PCDHGA3: variants seen among roughly 807,000 people sequenced by gnomAD.
PCDHGA3 encodes the protein protocadherin gamma subfamily A, 3.
In PCDHGA3, 40 loss-of-function variants were observed where a neutral mutation model predicts 58.5. That is an observed-to-expected ratio of 0.68 (90% confidence interval 0.53 to 0.89). The LOEUF (loss-of-function observed/expected upper bound fraction) is 0.89, where lower values mean the gene tolerates loss of function less well. Ranked by LOEUF, PCDHGA3 falls within the 40% of genes least tolerant of loss-of-function variation. PCDHGA3 has a pLI of 0.00. For missense variants in PCDHGA3, 1,223 were observed against 1,195.9 expected, an observed-to-expected ratio of 1.02 and a Z score of -0.33; for synonymous variants, 530 against 525.7, an observed-to-expected ratio of 1.01 and a Z score of -0.11.
chr5:141,474,961 A>G (rs1395755491), intron 1 of PCDHGA3, among the ~76,000 whole-genome samples: 1 of 152,254 alleles, frequency 6.6e-6, no homozygotes, highest in South Asian at 2.1e-4. Flanking sequence ...TCACTATCCT[A>G]ATCATTATAA....
intron 1 of PCDHGA3, chr5:141,365,016 G>T: frequency 5.0e-6 from 8 of 1,613,880 alleles, no homozygotes; most frequent in Non-Finnish European, 6.8e-6. Context: ...ACGCACATCC[G>T]TGTTACGGTC....
In PCDHGA3 at chr5:141,485,735, G is replaced by A; in HGVS notation, c.2425-9072G>A. 6.2e-7 allele frequency: 1 copy of A among 1,614,166 alleles called. No homozygotes were observed. The highest frequency in any genetic ancestry group is 8.5e-7 in the Non-Finnish European group (1 of 1,180,036). On this transcript the variant is annotated intron_variant, in intron 1 of 3. Coordinates refer to ENST00000253812, the MANE Select transcript of PCDHGA3 (RefSeq NM_018916.4). The surrounding 1 kb of genome is among the most constrained non-coding windows in gnomAD (Gnocchi z 5.7). Reference sequence around the variant, plus strand: ...ACTGGATGTGAAGAAGCGCAGCGACGGCAGCCTGGTCCCAGAGCTGCTCCT... The same window carrying A: ...ACTGGATGTGAAGAAGCGCAGCGACAGCAGCCTGGTCCCAGAGCTGCTCCT...
intron 2 of PCDHGA3, among the ~76,000 whole-genome samples, chr5:141,497,540 C>A (rs866982821): frequency 7.4e-6 from 1 of 134,944 alleles, no homozygotes; most frequent in African/African-American, 2.8e-5. Context: ...TGCAACAAAC[C>A]TTTTTTTTTT....
Position 141,345,610 on chromosome 5 carries a change from G to C in PCDHGA3, c.1577G>C (p.Arg526Thr), listed in dbSNP as rs555894618. ...ALRSFDYEQF[R>T]DLKLLVTASD... Reference sequence around the variant, plus strand: ...AGATCCTTCGACTACGAGCAATTTAGAGACTTAAAGCTACTGGTGACAGCC... The same window carrying C: ...AGATCCTTCGACTACGAGCAATTTACAGACTTAAAGCTACTGGTGACAGCC... The change falls in exon 1 of 4, where the codon AGA (arginine) becomes ACA (threonine). Residue 526 changes from arginine to threonine, a missense_variant. Physicochemically the swap from Arg to Thr is moderately conservative, Grantham distance 71. Transcript: ENST00000253812. The C allele has an allele frequency of 1.2e-6, 2 of 1,614,194 alleles. No individual in the cohort carries two copies. Among genetic ancestry groups the C allele is most frequent in the African/African-American group, 1.3e-5 (1 of 75,038 alleles).
intron 1 of PCDHGA3, chr5:141,389,156 T>C (rs2091626888): frequency 6.2e-7 from 1 of 1,613,950 alleles, no homozygotes; most frequent in Non-Finnish European, 8.5e-7. Flanking sequence ...CGGCAACAGA[T>C]CGGGGCAAGC....
intron 1 of PCDHGA3, chr5:141,393,169 T>A: frequency 6.2e-7 from 1 of 1,613,090 alleles, no homozygotes; most frequent in African/African-American, 1.3e-5. Context: ...CTCTTTGGGG[T>A]AGAAATAGAA....
chr5:141,460,741 A>C (rs1378900827), intron 1 of PCDHGA3, among the ~76,000 whole-genome samples: 1 of 152,128 alleles, frequency 6.6e-6, no homozygotes, highest in African/African-American at 2.4e-5. Flanking sequence ...CACATTGTAT[A>C]TATATGTGTA....
At chr5:141,409,201 A>G (rs2095240333) in intron 1 of PCDHGA3, 1 of 1,614,044 alleles carries the variant, frequency 6.2e-7, no homozygotes, top group Non-Finnish European at 8.5e-7. Flanking sequence ...AGTGTAAAGT[A>G]ATCATAGAAA....
chr5:141,353,101 A>G (rs896793984), intron 1 of PCDHGA3, among the ~76,000 whole-genome samples: 8 of 152,084 alleles, frequency 5.3e-5, no homozygotes, highest in African/African-American at 1.9e-4. Flanking sequence ...GGGGTACTAG[A>G]TAGATGGAGA....
At chr5:141,350,738 G>A (rs948532839) in intron 1 of PCDHGA3, 1 of 1,613,930 alleles carries the variant, frequency 6.2e-7, no homozygotes, top group Non-Finnish European at 8.5e-7. Flanking sequence ...TGCAGATGTG[G>A]AAGGCAATTC....
At chr5:141,478,586 T>C (rs754157570) in intron 1 of PCDHGA3, 6 of 1,576,788 alleles carry the variant, frequency 3.8e-6, no homozygotes, top group Non-Finnish European at 3.4e-6. Context: ...GTTAGTGCTT[T>C]TTTATTCCTA....
intron 2 of PCDHGA3, among the ~76,000 whole-genome samples, chr5:141,498,009 C>T (rs1160103624): frequency 6.6e-6 from 1 of 152,146 alleles, no homozygotes; most frequent in African/African-American, 2.4e-5. Context: ...TTACAGTGCA[C>T]TGAAGGAGAC....
chr5:141,367,493 C>G (rs1262243719), intron 1 of PCDHGA3: 1 of 151,842 alleles, frequency 6.6e-6, no homozygotes, highest in Non-Finnish European at 1.5e-5. Context: ...GCCGAGATCG[C>G]GCCACTGCAC....
chr5:141,452,358 T>C (rs2098739424), intron 1 of PCDHGA3, among the ~76,000 whole-genome samples: 1 of 152,236 alleles, frequency 6.6e-6, no homozygotes, highest in African/African-American at 2.4e-5. Context: ...CCAAAAGCCT[T>C]GCTTCATTTT....
At chr5:141,423,119 G>T (rs769320490) in intron 1 of PCDHGA3, 2 of 1,613,774 alleles carry the variant, frequency 1.2e-6, no homozygotes, top group Non-Finnish European at 1.7e-6. Context: ...CGTACAGCGC[G>T]GGCACTGCTG....
At position 141,354,490 on chromosome 5, in the gene PCDHGA3, C is replaced by T. The variant is rs990013308; in HGVS notation, c.2424+8033C>T. On this transcript the variant is annotated intron_variant, in intron 1 of 3. Coordinates refer to ENST00000253812, the MANE Select transcript of PCDHGA3 (RefSeq NM_018916.4). Reference sequence around the variant, plus strand: ...GTACAGGGTAAGGCTAACTCTTGAACAGTAGGTGAGTTTTTTGCAAGGGAA... The same window carrying T: ...GTACAGGGTAAGGCTAACTCTTGAATAGTAGGTGAGTTTTTTGCAAGGGAA... Among the ~76,000 whole-genome samples, 11 of 152,206 alleles carry T rather than the reference C, an allele frequency of 7.2e-5. 1 individual carries two copies. Among genetic ancestry groups the T allele is most frequent in the Non-Finnish European group, 1.5e-4 (10 of 68,048 alleles).
At chr5:141,366,697 G>A in intron 1 of PCDHGA3, 1 of 1,614,250 alleles carries the variant, frequency 6.2e-7, no homozygotes, top group Non-Finnish European at 8.5e-7. Flanking sequence ...AGAAAAGCGA[G>A]CCTCTTCTGA....
In PCDHGA3 at chr5:141,431,375, G is replaced by T. The variant is rs139873616; in HGVS notation, c.2425-63432G>T. ...ACGCGCCCTGGACCGCGAAGAAAAGGCTGCTCACCACCTGGTCCTTACGGC... is the reference window on the plus strand; with the variant it reads ...ACGCGCCCTGGACCGCGAAGAAAAGTCTGCTCACCACCTGGTCCTTACGGC... On this transcript the variant is annotated intron_variant, in intron 1 of 3. Coordinates refer to ENST00000253812, the MANE Select transcript of PCDHGA3 (RefSeq NM_018916.4). This position sits in a 1 kb window ranked among gnomAD's most constrained non-coding sequence, Gnocchi z 4.8. 21 of 1,613,422 alleles carry T rather than the reference G, an allele frequency of 1.3e-5. No homozygotes were observed. The African/African-American group carries it at 2.8e-4, about 21-fold the overall frequency.
intron 1 of PCDHGA3, among the ~76,000 whole-genome samples, chr5:141,382,339 C>A (rs1018758986): frequency 2.6e-5 from 4 of 152,082 alleles, no homozygotes; most frequent in African/African-American, 9.7e-5. Context: ...TAAGTAAAAT[C>A]TTTCATATGT....
Sources: gnomAD v4.1 joint callset for allele counts (sites outside exome capture counted in the v4.1 genomes callset) on GRCh38, gnomAD v4.1.1 for gene constraint, Gnocchi (gnomAD v3.1) non-coding constraint, MANE v1.5 for transcripts, NCBI Gene and HGNC (gene_info 2026-07-23, HGNC 2026-07-21) for gene names.